Variants in CFAP20DC observed in about 807,000 individuals in gnomAD.
CFAP20DC encodes CFAP20 domain containing.
A neutral mutation model predicts 101.7 loss-of-function variants in CFAP20DC; 84 were observed. The ratio of observed to expected loss-of-function variants is 0.83; its 90% confidence interval spans 0.69 to 0.99. The LOEUF is 0.99. CFAP20DC is among the 50% of genes least tolerant of loss of function. The probability of loss-of-function intolerance (pLI) is 0.00; values close to 1 mark genes in which losing one functional copy is unlikely to be tolerated. For missense variants in CFAP20DC, 1,007 were observed against 970.3 expected (o/e 1.04, Z -0.50); for synonymous variants, 359 against 351.2 (o/e 1.02, Z -0.25).
At chr3:58,950,667 T>A (rs1359061219) in intron 4 of CFAP20DC, among the ~76,000 whole-genome samples, 3 of 152,286 alleles carry the variant, frequency 2.0e-5, no homozygotes, top group Admixed American at 1.3e-4. Context: ...GGGAAACGAT[T>A]CCCTATTTAA....
At chr3:58,786,476 A>G (rs1471593277) in intron 15 of CFAP20DC, among the ~76,000 whole-genome samples, 2 of 152,060 alleles carry the variant, frequency 1.3e-5, no homozygotes, top group Non-Finnish European at 2.9e-5. Context: ...GCAATAAACA[A>G]TTCATAAATT....
At chr3:59,033,001 G>T (rs967269595) in intron 4 of CFAP20DC, among the ~76,000 whole-genome samples, 1 of 152,112 alleles carries the variant, frequency 6.6e-6, no homozygotes. Context: ...CCAGAGAAAG[G>T]AACAGGCGGC....
rs190616858 is a variant in CFAP20DC at position 58,898,891 on chromosome 3, A to G, written c.551-14182T>C. On this transcript the variant is annotated intron_variant, in intron 6 of 16. Coordinates refer to ENST00000482387, the MANE Select transcript of CFAP20DC (RefSeq NM_001394063.1). ...TTGTGGGGTCCTTTTTGTTTATGTT[A>G]TTGTTGTTTTCTCTTTGTTTTTTTT... Among the ~76,000 whole-genome samples the G allele has an allele frequency of 3.9e-3, 569 of 145,346 alleles. 4 individuals carry two copies. Among genetic ancestry groups the G allele is most frequent in the Admixed American group, 8.3e-3 (122 of 14,782 alleles).
rs1307297154 is a variant in CFAP20DC, at chr3:59,002,411, T to A, written c.278+37146A>T. On this transcript the variant is annotated intron_variant, in intron 4 of 16. Transcript: ENST00000482387. This position sits in a 1 kb window ranked among gnomAD's most constrained non-coding sequence, Gnocchi z 4.5. ...AATGACTTTATGCAAGCAAAGCAAG[T>A]AGAAGTATTTCTAAATGTGAAAACA... Among the ~76,000 whole-genome samples the A allele has an allele frequency of 6.6e-6, 1 of 152,208 alleles. No homozygotes were observed. The highest frequency in any genetic ancestry group is 1.5e-5 in the Non-Finnish European group (1 of 68,026).
chr3:58,899,852 T>C lies in CFAP20DC; in HGVS notation c.550+13856A>G, dbSNP rs2082994117. On this transcript the variant is annotated intron_variant, in intron 6 of 16. Coordinates refer to ENST00000482387, the MANE Select transcript of CFAP20DC (RefSeq NM_001394063.1). The surrounding 1 kb of genome is among the most constrained non-coding windows in gnomAD (Gnocchi z 5.0). ...ACCTGGATATTTCAGCTGAGGGTGC[T>C]GAACTCACTTGCCACTTTCACTCCT... Among the ~76,000 whole-genome samples the C allele has an allele frequency of 6.6e-6, 1 of 152,192 alleles. No individual in the cohort carries two copies. The highest frequency in any genetic ancestry group is 2.4e-5 in the African/African-American group (1 of 41,458).
At chr3:58,930,895 C>T (rs1477010014) in intron 5 of CFAP20DC, among the ~76,000 whole-genome samples, 1 of 152,158 alleles carries the variant, frequency 6.6e-6, no homozygotes, top group Non-Finnish European at 1.5e-5. Flanking sequence ...GTTCATCTCA[C>T]TAGGGAGTGT....
intron 14 of CFAP20DC, among the ~76,000 whole-genome samples, chr3:58,818,673 C>T (rs2075383793): frequency 7.4e-6 from 1 of 134,694 alleles, no homozygotes; most frequent in Admixed American, 7.6e-5. Flanking sequence ...GAGACTTAGA[C>T]TCCCACACAT....
chr3:58,901,115 C>A (rs1247194640), intron 6 of CFAP20DC, among the ~76,000 whole-genome samples: 1 of 152,194 alleles, frequency 6.6e-6, no homozygotes, highest in Non-Finnish European at 1.5e-5. Context: ...TAAGAGCCTG[C>A]AGTGCCTAGC....
intron 5 of CFAP20DC, among the ~76,000 whole-genome samples, chr3:58,918,198 T>C (rs2084947631): frequency 6.6e-6 from 1 of 152,190 alleles, no homozygotes; most frequent in African/African-American, 2.4e-5. Flanking sequence ...ACTTATGGGG[T>C]CCATTTGTGC....
In CFAP20DC at chr3:58,817,125, C is replaced by T. The variant is rs532408841; in HGVS notation, c.2176-10669G>A. ...TAACAAACAGAAAGGACATCCACAC[C>T]GAAAACCCATCTGTACATCACCATC... On this transcript the variant is annotated intron_variant, in intron 14 of 16. Transcript: ENST00000482387. 2.1e-3 allele frequency among the ~76,000 whole-genome samples: 318 copies of T among 151,946 alleles called. 4 individuals carry two copies. The highest frequency in any genetic ancestry group is 3.4e-3 in the Middle Eastern group (1 of 294).
chr3:59,042,203 C>T (rs1267645644), intron 3 of CFAP20DC, among the ~76,000 whole-genome samples: 1 of 151,768 alleles, frequency 6.6e-6, no homozygotes, highest in Non-Finnish European at 1.5e-5. Context: ...AGTACTCCAT[C>T]CTATGATGGA....
At chr3:59,010,639 T>A (rs1576698772) in intron 4 of CFAP20DC, among the ~76,000 whole-genome samples, 1 of 152,058 alleles carries the variant, frequency 6.6e-6, no homozygotes, top group East Asian at 1.9e-4. Context: ...ACTGACAACA[T>A]TAGACAGGTC....
At chr3:58,767,729 CTGT>C (rs1267772660) in intron 15 of CFAP20DC, among the ~76,000 whole-genome samples, 2 of 152,138 alleles carry the variant, frequency 1.3e-5, no homozygotes, top group Non-Finnish European at 2.9e-5. Context: ...TATTAAGATG[CTGT>C]TGTTTAATTT....
intron 4 of CFAP20DC, among the ~76,000 whole-genome samples, chr3:58,970,189 T>C (rs997904844): frequency 3.3e-5 from 5 of 152,292 alleles, no homozygotes; most frequent in Admixed American, 3.3e-4. Context: ...ATGTTAGTCA[T>C]TGTGGGTTGA....
downstream of CFAP20DC, among the ~76,000 whole-genome samples, chr3:58,716,176 A>T (rs2067395923): frequency 1.3e-5 from 1 of 76,742 alleles, no homozygotes. Flanking sequence ...TTTTTTTGAG[A>T]CGGAGTCTCG....
At chr3:58,809,932 C>A (rs934153334) in intron 14 of CFAP20DC, among the ~76,000 whole-genome samples, 5 of 152,112 alleles carry the variant, frequency 3.3e-5, no homozygotes, top group African/African-American at 1.2e-4. Context: ...AACCTCCACG[C>A]AAATAAACTA....
chr3:58,771,461 C>T lies in CFAP20DC; in HGVS notation c.2238-17598G>A, dbSNP rs554769229. Reference sequence around the variant, plus strand: ...ACAAAAAAGAAACATAGAGCCTTCCCGTTAACAATATCCATTTCCCAGTGT... The same window carrying T: ...ACAAAAAAGAAACATAGAGCCTTCCTGTTAACAATATCCATTTCCCAGTGT... On this transcript the variant is annotated intron_variant, in intron 15 of 16. Transcript: ENST00000482387. Among the ~76,000 whole-genome samples the T allele has an allele frequency of 3.3e-5, 5 of 152,098 alleles. No homozygotes were observed. In the East Asian group the frequency reaches 5.8e-4, roughly 18 times the overall value.
chr3:58,719,517 TC>T (rs1279292440), intron 3 of CFAP20DC, among the ~76,000 whole-genome samples: 1 of 152,210 alleles, frequency 6.6e-6, no homozygotes, highest in Non-Finnish European at 1.5e-5. Flanking sequence ...GCATGGAAGA[TC>T]CTGTGTTCTA....
intron 4 of CFAP20DC, among the ~76,000 whole-genome samples, chr3:58,961,041 C>T (rs572498819): frequency 9.2e-5 from 14 of 152,146 alleles, no homozygotes; most frequent in African/African-American, 2.9e-4. Context: ...GGGCATACTA[C>T]GTTAATTAAT....
Sources: allele counts gnomAD v4.1 joint callset (sites outside exome capture counted in the v4.1 genomes callset), GRCh38; gene constraint gnomAD v4.1.1; non-coding constraint Gnocchi (gnomAD v3.1); transcripts MANE v1.5; gene names NCBI Gene and HGNC (gene_info 2026-07-23, HGNC 2026-07-21).